COL18A1: variants seen among roughly 807,000 people sequenced by gnomAD.
COL18A1 encodes collagen type XVIII alpha 1 chain.
In COL18A1, 133 loss-of-function variants were observed where a neutral mutation model predicts 168.0. That is an observed-to-expected ratio of 0.79 (90% CI 0.69 to 0.91). The LOEUF (loss-of-function observed/expected upper bound fraction) is 0.91. Ranked by LOEUF, COL18A1 falls within the 40% of genes least tolerant of loss-of-function variation. The pLI is 0.00. For synonymous variants in COL18A1, 949 were observed against 809.0 expected (o/e 1.17, Z -2.94); for missense variants, 2,126 against 1,925.4 (o/e 1.10, Z -1.95).
At chr21:45,426,528 C>T (rs1364481359) in intron 2 of COL18A1, among the ~76,000 whole-genome samples, 1 of 152,238 alleles carries the variant, frequency 6.6e-6, no homozygotes, top group Non-Finnish European at 1.5e-5. Flanking sequence ...AGCGCTCCCC[C>T]ATCACGTCCG....
At chr21:45,468,815 A>G (rs771215330) in intron 3 of COL18A1, 29 bp downstream of exon 3, 6 of 1,443,918 alleles carry the variant, frequency 4.2e-6, no homozygotes, top group Non-Finnish European at 5.7e-6. Flanking sequence ...TCGCTGGGGG[A>G]CTGGAGCAGC....
intron 32 of COL18A1, among the ~76,000 whole-genome samples, chr21:45,499,092 G>A (rs2036646928): frequency 6.6e-6 from 1 of 152,234 alleles, no homozygotes. Flanking sequence ...AACAATTAGA[G>A]TGACGAGATT....
intron 2 of COL18A1, among the ~76,000 whole-genome samples, chr21:45,439,443 C>T (rs1045206241): frequency 2.6e-5 from 4 of 152,268 alleles, no homozygotes; most frequent in African/African-American, 9.6e-5. Context: ...CTTTACGTAT[C>T]GCAACGTGTG....
chr21:45,422,690 C>T, intron 2 of COL18A1: 1 of 314,650 alleles, frequency 3.2e-6, no homozygotes, highest in East Asian at 1.1e-4. Context: ...GTAGCGGCCC[C>T]AGGTCAGGCC....
At chr21:45,462,166 G>T (rs977759934) in intron 2 of COL18A1, among the ~76,000 whole-genome samples, 29 of 152,122 alleles carry the variant, frequency 1.9e-4, no homozygotes, top group Non-Finnish European at 7.3e-5. Flanking sequence ...GATGTGATCA[G>T]TTGCTTTTCT....
intron 14 of COL18A1, 38 bp downstream of exon 14, chr21:45,482,063 GCA>G: frequency 1.3e-6 from 2 of 1,539,022 alleles, no homozygotes; most frequent in Non-Finnish European, 1.8e-6. Context: ...GTGGGAACCA[GCA>G]CCACACCATG....
At chr21:45,429,090 A>G (rs1350003336) in intron 2 of COL18A1, among the ~76,000 whole-genome samples, 3 of 151,358 alleles carry the variant, frequency 2.0e-5, no homozygotes, top group African/African-American at 7.3e-5. Context: ...TTTAGTAGAG[A>G]TGGGGTTTCA....
At chr21:45,422,519 C>T (rs374608012) in intron 2 of COL18A1, 9 of 523,348 alleles carry the variant, frequency 1.7e-5, no homozygotes, top group African/African-American at 3.9e-5. Flanking sequence ...CCTGGCCTGA[C>T]GCACCTCGCG....
At chr21:45,505,668 T>C (rs1168868319) in intron 36 of COL18A1, among the ~76,000 whole-genome samples, 170 bp from the exon 37 acceptor site, 1 of 152,120 alleles carries the variant, frequency 6.6e-6, no homozygotes, top group Non-Finnish European at 1.5e-5. Context: ...GCGCAGGAGC[T>C]GGCGGCAGGC....
chr21:45,509,569 C>A lies in COL18A1; in HGVS notation c.3463C>A (p.Pro1155Thr), dbSNP rs944484754. Reference sequence around the variant, plus strand: ...GCGGCCGGCGCGACCCACAAGCCCACCCGCCCACAGCCACCGCGACTTCCA... The same window carrying A: ...GCGGCCGGCGCGACCCACAAGCCCAACCGCCCACAGCCACCGCGACTTCCA... ...HLRPARPTSP[P>T]AHSHRDFQPV... The change falls in exon 39 of 42, where the codon CCC becomes ACC. Residue 1155 changes from proline to threonine, a missense_variant. Coordinates refer to ENST00000651438, the MANE Select transcript of COL18A1 (RefSeq NM_001379500.1). The A allele has an allele frequency of 3.9e-6, 6 of 1,530,040 alleles. No homozygotes were observed. The highest frequency in any genetic ancestry group is 5.3e-6 in the Non-Finnish European group (6 of 1,140,564). The allele number at this position is 1,530,040 out of a possible 1,614,324, so 94.8% of individuals were successfully genotyped here. A position where few individuals can be genotyped will look rare whatever the true frequency, so the allele number is the denominator to read the frequency against.
At chr21:45,480,588 A>G (rs2145936807) in intron 12 of COL18A1, 68 bp downstream of exon 12, 1 of 1,613,662 alleles carries the variant, frequency 6.2e-7, no homozygotes, top group Non-Finnish European at 8.5e-7. Context: ...ATGGACCCCC[A>G]AGATTCAGCT....
rs1422592429 is a variant in COL18A1 at position 45,494,853 on chromosome 21, C to A, written c.2380-9C>A. On this transcript the variant is annotated splice_polypyrimidine_tract_variant and intron_variant, in intron 27 of 41. Transcript: ENST00000651438. Reference sequence around the variant, plus strand: ...TGCCCCACTAAGCCTGGCCCCCTTCCTCTTGCAGGGTCCATACGGACGGCC... The same window carrying A: ...TGCCCCACTAAGCCTGGCCCCCTTCATCTTGCAGGGTCCATACGGACGGCC... 6.2e-7 allele frequency: 1 copy of A among 1,606,944 alleles called. No individual in the cohort carries two copies. Among genetic ancestry groups the A allele is most frequent in the East Asian group, 2.2e-5 (1 of 44,552 alleles).
At chr21:45,501,404 C>A (rs764321655) in intron 32 of COL18A1, among the ~76,000 whole-genome samples, 1 of 152,092 alleles carries the variant, frequency 6.6e-6, no homozygotes, top group Non-Finnish European at 1.5e-5. Context: ...CCGGGGTCTG[C>A]CCCAGAGGGG....
chr21:45,488,341 G>A (rs536783392), intron 17 of COL18A1, 77 bp from the exon 18 acceptor site: 86 of 1,593,208 alleles, frequency 5.4e-5, no homozygotes, highest in African/African-American at 1.1e-4. Flanking sequence ...TGTTACTAGC[G>A]GGCTTTTCTT....
intron 2 of COL18A1, chr21:45,455,448 G>C: frequency 4.4e-6 from 7 of 1,575,834 alleles, no homozygotes; most frequent in Non-Finnish European, 5.2e-6. Context: ...CACAGGGGAG[G>C]GCAGGAGGGC....
At chr21:45,441,967 G>A (rs1370203497) in intron 2 of COL18A1, among the ~76,000 whole-genome samples, 1 of 152,218 alleles carries the variant, frequency 6.6e-6, no homozygotes, top group Non-Finnish European at 1.5e-5. Context: ...GACCCCCTGG[G>A]ACCCTCACTC....
At chr21:45,474,018 C>A in intron 4 of COL18A1, 37 bp downstream of exon 4, 1 of 1,501,980 alleles carries the variant, frequency 6.7e-7, no homozygotes, top group Non-Finnish European at 9.1e-7. Flanking sequence ...GGTCTCCCCT[C>A]AATCCCTGGC....
chr21:45,467,410 G>A, intron 2 of COL18A1: 1 of 984,602 alleles, frequency 1.0e-6, no homozygotes. Context: ...GGAGACTGTG[G>A]CACGTTGGCA....
rs755768318 is a variant in COL18A1 at position 45,480,518 on chromosome 21, C to A, written c.1450C>A (p.Arg484=). ...CTTCGGGGGCGATCTGGAGGCCCTG[C>A]GGGTGAGTGGCCCTTAAACTGCAGC... The part of the protein sequence containing the change: ...SGFGGDLEAL[R]GPRGFPGPPG... Residue 484 remains arginine (R), a splice_region_variant and synonymous_variant, in exon 12 of 42, where the codon CGG becomes AGG. Coordinates refer to ENST00000651438, the MANE Select transcript of COL18A1 (RefSeq NM_001379500.1). 3.7e-6 allele frequency: 6 copies of A among 1,614,066 alleles called. No homozygotes were observed. The East Asian group carries it at 6.7e-5, about 18-fold the overall frequency.
Sources: gnomAD v4.1 joint callset for allele counts (sites outside exome capture counted in the v4.1 genomes callset) on GRCh38, gnomAD v4.1.1 for gene constraint, MANE v1.5 for transcripts, NCBI Gene and HGNC (gene_info 2026-07-23, HGNC 2026-07-21) for gene names.